The following NBAS variants were observed in gnomAD, a reference collection of about 807,000 sequenced individuals.
NBAS encodes NAG/BC035112 fusion.
In NBAS, 219 loss-of-function variants were observed where a neutral mutation model predicts 302.5. The observed-to-expected ratio is 0.72, with a 90% CI of 0.65 to 0.81. NBAS has a LOEUF of 0.81. Ranked by LOEUF, NBAS falls within the 30% of genes least tolerant of loss-of-function variation. NBAS has a pLI of 0.00. For missense variants in NBAS, 2,932 were observed against 2,841.6 expected (o/e 1.03, Z -0.72); for synonymous variants, 1,118 against 1,021.6 (o/e 1.09, Z -1.80).
At chr2:15,496,311 CTTACGAGCTGG>C (rs1005049502) in intron 11 of NBAS, among the ~76,000 whole-genome samples, 10 of 152,042 alleles carry the variant, frequency 6.6e-5, no homozygotes, top group Non-Finnish European at 1.5e-4. Context: ...TTAGGGGTTG[CTTACGAGCTGG>C]GGAGATGGAG....
intron 50 of NBAS, among the ~76,000 whole-genome samples, chr2:15,183,260 GC>G (rs1234116880): frequency 6.6e-6 from 1 of 152,112 alleles, no homozygotes; most frequent in East Asian, 1.9e-4. Context: ...CATACCATTT[GC>G]AAATAGCCTC....
the NBAS span, among the ~76,000 whole-genome samples, chr2:14,787,463 C>T: frequency 4.6e-5 from 7 of 152,292 alleles, no homozygotes; most frequent in East Asian, 1.2e-3. Flanking sequence ...CTGGTACCGG[C>T]TCTTCCTTTC....
At chr2:14,903,509 C>T in the NBAS span, among the ~76,000 whole-genome samples, 1 of 152,180 alleles carries the variant, frequency 6.6e-6, no homozygotes, top group East Asian at 1.9e-4. Flanking sequence ...TCCCATGTGA[C>T]TCCCACCACT....
intron 31 of NBAS, among the ~76,000 whole-genome samples, chr2:15,367,328 T>C (rs763437924): frequency 6.7e-6 from 1 of 150,282 alleles, no homozygotes; most frequent in Non-Finnish European, 1.5e-5. Flanking sequence ...TAGGAACAAA[T>C]GGTACTTATT....
rs149825971 is a variant in NBAS at position 15,308,272 on chromosome 2, G to T, written c.4741C>A (p.Gln1581Lys). The T allele has an allele frequency of 4.8e-5, 78 of 1,614,170 alleles. No homozygotes were observed. The African/African-American group carries it at 9.7e-4, about 20-fold the overall frequency. Residue 1581 changes from glutamine to lysine, a missense_variant, in exon 40 of 52, where the codon CAG (glutamine) becomes AAG (lysine). Physicochemically the swap from Gln to Lys is moderately conservative, Grantham distance 53. Coordinates refer to ENST00000281513, the MANE Select transcript of NBAS (RefSeq NM_015909.4). ...LQLAAYYYSL[Q>K]IYARLAPCFR... ...CATGGGGCCAATCGGGCATAGATCT[G>T]GAGGCTATAGTAATACGCTGCCAGC...
At chr2:14,834,506 A>C in the NBAS span, among the ~76,000 whole-genome samples, 1 of 152,160 alleles carries the variant, frequency 6.6e-6, no homozygotes, top group African/African-American at 2.4e-5. Flanking sequence ...CAATTATTGA[A>C]TACCTACTCT....
the NBAS span, among the ~76,000 whole-genome samples, chr2:15,044,186 T>G: frequency 6.6e-6 from 1 of 152,198 alleles, no homozygotes; most frequent in Non-Finnish European, 1.5e-5. Flanking sequence ...GTGCTTCCAA[T>G]TACTTAGATT....
chr2:15,215,946 G>A (rs985466565), intron 48 of NBAS, among the ~76,000 whole-genome samples: 13 of 152,128 alleles, frequency 8.5e-5, no homozygotes, highest in African/African-American at 2.4e-4. Flanking sequence ...TTTAAACTAT[G>A]GGCATAGTTT....
chr2:14,886,055 C>A, the NBAS span, among the ~76,000 whole-genome samples: 1 of 152,052 alleles, frequency 6.6e-6, no homozygotes, highest in African/African-American at 2.4e-5. Context: ...ATCAAGTAAC[C>A]CAGCCCAGAT....
At chr2:15,156,141 T>C in the NBAS span, among the ~76,000 whole-genome samples, 1 of 152,056 alleles carries the variant, frequency 6.6e-6, no homozygotes, top group East Asian at 1.9e-4. Flanking sequence ...TCAGCTAGCC[T>C]AGGTAAGAGA....
chr2:15,478,084 C>T (rs972428575), intron 13 of NBAS, 142 bp downstream of exon 13: 29 of 400,570 alleles, frequency 7.2e-5, no homozygotes, highest in East Asian at 3.5e-4. Flanking sequence ...GATCTGTTGC[C>T]TTGACCCAAC....
At chr2:15,351,771 T>G (rs1673368001) in intron 35 of NBAS, among the ~76,000 whole-genome samples, 1 of 152,066 alleles carries the variant, frequency 6.6e-6, no homozygotes, top group South Asian at 2.1e-4. Context: ...GTTGTCTTTA[T>G]GATAATTTAT....
chr2:15,104,805 C>T, the NBAS span, among the ~76,000 whole-genome samples: 52,339 of 151,960 alleles, frequency 0.34, 9,695 homozygotes, highest in African/African-American at 0.47. Flanking sequence ...TGACCAGTGA[C>T]GATGAGCTTT....
chr2:14,794,822 C>T, the NBAS span, among the ~76,000 whole-genome samples: 1 of 152,128 alleles, frequency 6.6e-6, no homozygotes, highest in Admixed American at 6.6e-5. Context: ...GATTAGTTAG[C>T]ATTTTCTAAA....
chr2:14,901,583 A>G, the NBAS span, among the ~76,000 whole-genome samples: 2 of 152,356 alleles, frequency 1.3e-5, no homozygotes, highest in South Asian at 4.1e-4. Context: ...TTAACAATAA[A>G]TGAGAACAGC....
chr2:15,467,620 T>G, intron 18 of NBAS, 44 bp downstream of exon 18: 1 of 1,568,252 alleles, frequency 6.4e-7, no homozygotes, highest in Non-Finnish European at 8.8e-7. Flanking sequence ...AAATGATTAG[T>G]TATTTTAAAG....
At chr2:15,285,984 C>T (rs1275626372) in intron 42 of NBAS, among the ~76,000 whole-genome samples, 2 of 152,152 alleles carry the variant, frequency 1.3e-5, no homozygotes, top group East Asian at 3.9e-4. Context: ...CTCACACTTC[C>T]CCCAAAATAC....
intron 35 of NBAS, among the ~76,000 whole-genome samples, chr2:15,341,172 G>A (rs1672832210): frequency 6.6e-6 from 1 of 152,086 alleles, no homozygotes; most frequent in South Asian, 2.1e-4. Context: ...GATCACTTGA[G>A]GCCAAGAGTT....
intron 9 of NBAS, among the ~76,000 whole-genome samples, chr2:15,526,206 C>T (rs1429460732): frequency 1.3e-5 from 2 of 152,154 alleles, no homozygotes; most frequent in South Asian, 2.1e-4. Context: ...AGATAGTCTG[C>T]GTGTTTAAGG....
Sources: allele counts gnomAD v4.1 joint callset (sites outside exome capture counted in the v4.1 genomes callset), GRCh38; gene constraint gnomAD v4.1.1; transcripts MANE v1.5; gene names NCBI Gene and HGNC (gene_info 2026-07-23, HGNC 2026-07-21).